RANBP2: variants seen among roughly 807,000 people sequenced by gnomAD.
The protein encoded by RANBP2 is E3 SUMO-protein ligase RanBP2.
Under a neutral mutation model 303.6 loss-of-function variants are expected in RANBP2, and 57 were observed. The ratio of observed to expected loss-of-function variants is 0.19; its 90% CI spans 0.15 to 0.23. The LOEUF (loss-of-function observed/expected upper bound fraction) is 0.23. RANBP2 is among the 10% of genes least tolerant of loss of function. RANBP2 has a pLI of 1.00. For missense variants in RANBP2, 3,138 were observed against 3,780.8 expected (o/e 0.83, Z 4.46); for synonymous variants, 1,167 against 1,301.5 (o/e 0.90, Z 2.23).
chr2:109,610,414 C>A, the RANBP2 span, among the ~76,000 whole-genome samples: 1 of 151,322 alleles, frequency 6.6e-6, no homozygotes, highest in Non-Finnish European at 1.5e-5. Flanking sequence ...ATATCCTCTT[C>A]TATTAAAAAA....
At chr2:109,483,338 G>T in the RANBP2 span, among the ~76,000 whole-genome samples, 1 of 152,178 alleles carries the variant, frequency 6.6e-6, no homozygotes, top group South Asian at 2.1e-4. Flanking sequence ...AAGCCCCAGT[G>T]GTGCCTCTCA....
At chr2:109,499,020 C>T in the RANBP2 span, among the ~76,000 whole-genome samples, 1 of 152,156 alleles carries the variant, frequency 6.6e-6, no homozygotes, top group East Asian at 1.9e-4. Context: ...GTGGCCCCTC[C>T]TCTGAGAGGG....
the RANBP2 span, among the ~76,000 whole-genome samples, chr2:108,822,198 T>G: frequency 6.6e-6 from 1 of 152,004 alleles, no homozygotes; most frequent in Non-Finnish European, 1.5e-5. Context: ...CGTCAAAAAC[T>G]GTTACAAGAG....
the RANBP2 span, among the ~76,000 whole-genome samples, chr2:109,570,510 C>T: frequency 2.7e-5 from 4 of 147,406 alleles, no homozygotes; most frequent in East Asian, 4.0e-4. Flanking sequence ...ATTGACATAG[C>T]ATTTACATTG....
At chr2:109,612,235 T>C in the RANBP2 span, among the ~76,000 whole-genome samples, 3 of 152,064 alleles carry the variant, frequency 2.0e-5, no homozygotes, top group Non-Finnish European at 4.4e-5. Flanking sequence ...GTGATTCCAT[T>C]ATATAAGTCT....
At chr2:109,043,623 C>T in the RANBP2 span, among the ~76,000 whole-genome samples, 2 of 152,176 alleles carry the variant, frequency 1.3e-5, no homozygotes, top group Admixed American at 1.3e-4. Flanking sequence ...GCGTGAGCCA[C>T]CGTGCCTGGC....
At chr2:109,041,703 T>G in the RANBP2 span, among the ~76,000 whole-genome samples, 2 of 143,694 alleles carry the variant, frequency 1.4e-5, no homozygotes, top group Non-Finnish European at 3.0e-5. Context: ...TTTTTTTTTT[T>G]TTTTTTTTGG....
chr2:109,371,721 C>T, the RANBP2 span: 4 of 1,576,712 alleles, frequency 2.5e-6, no homozygotes, highest in African/African-American at 2.7e-5. Flanking sequence ...CTCCTTCTTG[C>T]CCACCCTTGT....
the RANBP2 span, among the ~76,000 whole-genome samples, chr2:109,736,114 C>T: frequency 6.6e-6 from 1 of 152,242 alleles, no homozygotes; most frequent in Non-Finnish European, 1.5e-5. Flanking sequence ...AAAACACACA[C>T]TTCTGCATTA....
At chr2:109,393,837 C>T in the RANBP2 span, among the ~76,000 whole-genome samples, 3 of 151,960 alleles carry the variant, frequency 2.0e-5, no homozygotes, top group African/African-American at 4.8e-5. Context: ...CATGTTACAG[C>T]TGCTGTCCTC....
chr2:108,754,284 T>G lies in RANBP2; in HGVS notation c.2202+313T>G, dbSNP rs566549965. 2.4e-3 allele frequency among the ~76,000 whole-genome samples: 363 copies of G among 151,572 alleles called. 2 individuals carry two copies. The highest frequency in any genetic ancestry group is 8.6e-3 in the African/African-American group (351 of 40,898). ...AAAACAAATATTATAACCTCAGGACTAATTCTTAATGAACTTTGCTGAAAT... is the reference window on the plus strand; with the variant it reads ...AAAACAAATATTATAACCTCAGGACGAATTCTTAATGAACTTTGCTGAAAT... On this transcript the variant is annotated intron_variant, in intron 15 of 28. Coordinates refer to ENST00000283195, the MANE Select transcript of RANBP2 (RefSeq NM_006267.5).
chr2:109,184,046 G>C, the RANBP2 span, among the ~76,000 whole-genome samples: 1 of 152,210 alleles, frequency 6.6e-6, no homozygotes, highest in Non-Finnish European at 1.5e-5. Flanking sequence ...GCTAGGTGCT[G>C]TCCAGGGTAT....
At chr2:109,381,684 G>A in the RANBP2 span, among the ~76,000 whole-genome samples, 1 of 152,156 alleles carries the variant, frequency 6.6e-6, no homozygotes, top group South Asian at 2.1e-4. Flanking sequence ...TGGCTAAATA[G>A]TAGAAAGGAC....
chr2:109,315,710 G>C, the RANBP2 span, among the ~76,000 whole-genome samples: 622 of 152,308 alleles, frequency 4.1e-3, 5 homozygotes, highest in Middle Eastern at 0.01. Flanking sequence ...TCCCACCCAG[G>C]GTTCCTCTGG....
intron 4 of RANBP2, among the ~76,000 whole-genome samples, chr2:108,732,884 C>T (rs963765237): frequency 1.1e-4 from 17 of 152,278 alleles, no homozygotes; most frequent in East Asian, 7.7e-4. Context: ...AGTTCACTGG[C>T]GCAATCTTGG....
chr2:109,105,211 A>G, the RANBP2 span, among the ~76,000 whole-genome samples: 2 of 152,250 alleles, frequency 1.3e-5, no homozygotes. Context: ...AGTGGACTCA[A>G]GCATGTGCAT....
At chr2:108,721,975 T>C (rs1379460712) in intron 1 of RANBP2, among the ~76,000 whole-genome samples, 2 of 151,502 alleles carry the variant, frequency 1.3e-5, no homozygotes, top group Non-Finnish European at 2.9e-5. Flanking sequence ...TGGGCTCAAG[T>C]GATCCTCCCG....
At chr2:108,986,651 G>C in the RANBP2 span, among the ~76,000 whole-genome samples, 1 of 152,098 alleles carries the variant, frequency 6.6e-6, no homozygotes, top group African/African-American at 2.4e-5. Flanking sequence ...TTCCTTATTG[G>C]GAAAATAGAG....
the RANBP2 span, among the ~76,000 whole-genome samples, chr2:109,064,467 A>AAAC: frequency 1.3e-5 from 2 of 148,746 alleles, no homozygotes; most frequent in Non-Finnish European, 1.5e-5. Context: ...AAAAAAAAAA[A>AAAC]AAAACAAAAA....
Sources: gnomAD v4.1 joint callset for allele counts (sites outside exome capture counted in the v4.1 genomes callset) on GRCh38, gnomAD v4.1.1 for gene constraint, MANE v1.5 for transcripts, NCBI Gene and HGNC (gene_info 2026-07-23, HGNC 2026-07-21) for gene names.